Variants in PPM1D observed in about 807,000 individuals in gnomAD.
PPM1D encodes protein phosphatase 1D.
PPM1D carries 52 observed loss-of-function variants against 58.3 expected under a neutral mutation model. The observed-to-expected ratio is 0.89, with a 90% CI of 0.71 to 1.12. The LOEUF is 1.12. PPM1D is among the 50% of genes most tolerant of loss of function. PPM1D has a pLI of 0.00. For missense variants in PPM1D, 564 were observed against 777.2 expected (o/e 0.73, Z 3.26); for synonymous variants, 278 against 285.1 (o/e 0.98, Z 0.25).
In PPM1D at chr17:60,655,279, T is replaced by G. The variant is rs1232937664; in HGVS notation, c.1018-1320T>G. Reference sequence around the variant, plus strand: ...AGGAATTTGACCCTTTGCAATGATTTTTTTTTGTACCATGCCTGATTGTCT... The same window carrying G: ...AGGAATTTGACCCTTTGCAATGATTGTTTTTTGTACCATGCCTGATTGTCT... On this transcript the variant is annotated intron_variant, in intron 4 of 5. Coordinates refer to ENST00000305921, the MANE Select transcript of PPM1D (RefSeq NM_003620.4). Among the ~76,000 whole-genome samples the G allele has an allele frequency of 2.6e-5, 4 of 152,380 alleles. No homozygotes were observed. The East Asian group carries it at 7.7e-4, about 29-fold the overall frequency.
At chr17:60,610,026 A>G (rs1161587820) in intron 1 of PPM1D, among the ~76,000 whole-genome samples, 1 of 152,072 alleles carries the variant, frequency 6.6e-6, no homozygotes, top group African/African-American at 2.4e-5. Flanking sequence ...CTAAAATACA[A>G]AAAACTAGCC....
At chr17:60,612,689 A>G (rs1422428819) in intron 1 of PPM1D, among the ~76,000 whole-genome samples, 1 of 152,202 alleles carries the variant, frequency 6.6e-6, no homozygotes, top group African/African-American at 2.4e-5. Context: ...TTAGGAATCT[A>G]GGTAGCAGTT....
intron 1 of PPM1D, among the ~76,000 whole-genome samples, chr17:60,602,053 AG>A (rs2030224997): frequency 6.6e-6 from 1 of 152,248 alleles, no homozygotes; most frequent in Non-Finnish European, 1.5e-5. Flanking sequence ...GTTGTAGATT[AG>A]CCGGTTTCAA....
intron 1 of PPM1D, among the ~76,000 whole-genome samples, chr17:60,610,971 A>G (rs960263140): frequency 1.3e-5 from 2 of 152,158 alleles, no homozygotes; most frequent in African/African-American, 4.8e-5. Context: ...ATTATATCTT[A>G]TTGTGGTTTT....
At chr17:60,647,813 A>G in intron 3 of PPM1D, 79 bp from the exon 4 acceptor site, 1 of 1,382,812 alleles carries the variant, frequency 7.2e-7, no homozygotes, top group Non-Finnish European at 1.0e-6. Flanking sequence ...AACTGTGTAG[A>G]TTTTCTCTTT....
At chr17:60,615,675 C>CT (rs746657008) in intron 1 of PPM1D, among the ~76,000 whole-genome samples, 8,436 of 124,820 alleles carry the variant, frequency 0.068, 563 homozygotes, top group African/African-American at 0.17. Context: ...TTTCTTTTTA[C>CT]TTTTTTTTTT....
At chr17:60,607,707 C>T (rs2030360811) in intron 1 of PPM1D, among the ~76,000 whole-genome samples, 1 of 152,200 alleles carries the variant, frequency 6.6e-6, no homozygotes, top group Admixed American at 6.5e-5. Flanking sequence ...GAATGAAGTG[C>T]AGCTTTTAGC....
Position 60,600,222 on chromosome 17 carries a change from T to A in PPM1D, c.-193T>A, listed in dbSNP as rs1298969912. 8.6e-7 allele frequency: 1 copy of A among 1,164,256 alleles called. No homozygotes were observed. Among genetic ancestry groups the A allele is most frequent in the Non-Finnish European group, 1.2e-6 (1 of 859,462 alleles). 72.1% of individuals were successfully genotyped at this position (1,164,256 alleles called of 1,614,324 possible). ...CGCAGGCGCAACTGCCTGGCTCTGC[T>A]CGCTCCGGCGCTCCGGCCCAGCTCT... On this transcript the variant is annotated 5_prime_UTR_variant, in exon 1 of 6. Coordinates refer to ENST00000305921, the MANE Select transcript of PPM1D (RefSeq NM_003620.4).
intron 1 of PPM1D, among the ~76,000 whole-genome samples, chr17:60,616,075 G>C (rs907523657): frequency 6.6e-6 from 1 of 151,772 alleles, no homozygotes; most frequent in Non-Finnish European, 1.5e-5. Flanking sequence ...GCATGATCTC[G>C]GCTCACTGCA....
At chr17:60,640,783 CAT>C (rs2031118465) in intron 3 of PPM1D, among the ~76,000 whole-genome samples, 2 of 152,162 alleles carry the variant, frequency 1.3e-5, no homozygotes, top group Admixed American at 1.3e-4. Flanking sequence ...CAAGTGAGAA[CAT>C]GTGGTATTTG....
At chr17:60,601,375 G>A (rs1328565914) in intron 1 of PPM1D, among the ~76,000 whole-genome samples, 3 of 152,226 alleles carry the variant, frequency 2.0e-5, no homozygotes, top group African/African-American at 4.8e-5. Flanking sequence ...GCTGGGGTTG[G>A]TTGCTGGAGT....
rs964479669 is a variant in PPM1D, at chr17:60,621,585, G to A, written c.473-1936G>A. Among the ~76,000 whole-genome samples the A allele has an allele frequency of 1.7e-3, 84 of 49,702 alleles. 2 individuals are homozygous for A. The highest frequency in any genetic ancestry group is 8.0e-3 in the African/African-American group (80 of 9,990). 32.6% of individuals were successfully genotyped at this position (49,702 alleles called of 152,430 possible). ...TGTATTTTTTTTTTTTTTTTTTTTTGAGACGGAGTCTCGCTCTGTCGCCCA... is the reference window on the plus strand; with the variant it reads ...TGTATTTTTTTTTTTTTTTTTTTTTAAGACGGAGTCTCGCTCTGTCGCCCA... On this transcript the variant is annotated intron_variant, in intron 1 of 5. Coordinates refer to ENST00000305921, the MANE Select transcript of PPM1D (RefSeq NM_003620.4).
chr17:60,632,028 A>C (rs1323168339), intron 2 of PPM1D, among the ~76,000 whole-genome samples: 1 of 152,022 alleles, frequency 6.6e-6, no homozygotes, highest in Non-Finnish European at 1.5e-5. Context: ...AATACAAAAA[A>C]TTAGCCAGGC....
intron 4 of PPM1D, among the ~76,000 whole-genome samples, chr17:60,650,551 AAACAAC>A (rs145962010): frequency 0.047 from 7,050 of 151,472 alleles, 576 homozygotes; most frequent in African/African-American, 0.16. Flanking sequence ...CTCCATCTCA[AAACAAC>A]AACAACAACA....
chr17:60,635,014 C>G (rs889156669), intron 3 of PPM1D, among the ~76,000 whole-genome samples: 18 of 152,060 alleles, frequency 1.2e-4, no homozygotes, highest in African/African-American at 4.3e-4. Context: ...TTAAGCCATC[C>G]TCCTATCTCG....
At chr17:60,627,381 T>C (rs2030830876) in intron 2 of PPM1D, among the ~76,000 whole-genome samples, 1 of 152,074 alleles carries the variant, frequency 6.6e-6, no homozygotes, top group Non-Finnish European at 1.5e-5. Context: ...GAGCTGGGAC[T>C]ACAGGTGCAC....
At chr17:60,613,044 C>G (rs1393206982) in intron 1 of PPM1D, among the ~76,000 whole-genome samples, 5 of 152,132 alleles carry the variant, frequency 3.3e-5, no homozygotes, top group African/African-American at 9.7e-5. Flanking sequence ...GCTTCCTAAC[C>G]TATCAGTTAA....
chr17:60,652,556 T>G (rs906980677), intron 4 of PPM1D, among the ~76,000 whole-genome samples: 8 of 145,018 alleles, frequency 5.5e-5, no homozygotes, highest in Middle Eastern at 3.4e-3. Context: ...TTCTGTTTTT[T>G]TTTTTTTTTT....
intron 4 of PPM1D, among the ~76,000 whole-genome samples, chr17:60,655,383 C>G (rs1023270150): frequency 6.6e-6 from 1 of 152,236 alleles, no homozygotes; most frequent in African/African-American, 2.4e-5. Context: ...GAGTCTCGCT[C>G]TGTCGCCCAG....
Sources: gnomAD v4.1 joint callset for allele counts (sites outside exome capture counted in the v4.1 genomes callset) on GRCh38, gnomAD v4.1.1 for gene constraint, MANE v1.5 for transcripts, NCBI Gene and HGNC (gene_info 2026-07-23, HGNC 2026-07-21) for gene names.